CTNNA3: variants seen among roughly 807,000 people sequenced by gnomAD.
CTNNA3 encodes the protein catenin alpha-3.
CTNNA3 carries 76 observed loss-of-function variants against 95.7 expected under a neutral mutation model. That is an observed-to-expected ratio of 0.79 (90% CI 0.66 to 0.96). The LOEUF (loss-of-function observed/expected upper bound fraction) is 0.96, where lower values mean the gene tolerates loss of function less well. CTNNA3 is among the 40% of genes least tolerant of loss of function. The probability of loss-of-function intolerance (pLI) is 0.00; values close to 1 mark genes in which losing one functional copy is unlikely to be tolerated. For synonymous variants in CTNNA3, 431 were observed against 374.4 expected (o/e 1.15, Z -1.74); for missense variants, 1,191 against 1,089.8 (o/e 1.09, Z -1.31).
chr10:66,637,234 A>G (rs897243116), intron 9 of CTNNA3, among the ~76,000 whole-genome samples: 1 of 152,238 alleles, frequency 6.6e-6, no homozygotes, highest in Admixed American at 6.5e-5. Context: ...TGAAAGTTAC[A>G]TTGCATGTTA....
At chr10:67,049,357 C>T (rs547281533) in intron 7 of CTNNA3, among the ~76,000 whole-genome samples, 76 of 152,216 alleles carry the variant, frequency 5.0e-4, no homozygotes, top group African/African-American at 1.8e-3. Flanking sequence ...TTTCAAATCC[C>T]ATTATCCAAT....
chr10:66,319,364 C>A (rs1441189366), intron 12 of CTNNA3, among the ~76,000 whole-genome samples: 4 of 151,940 alleles, frequency 2.6e-5, no homozygotes, highest in Non-Finnish European at 4.4e-5. Flanking sequence ...AAGCAATATG[C>A]CCAGTTAAAA....
chr10:66,723,975 G>A (rs1305651139), intron 9 of CTNNA3, among the ~76,000 whole-genome samples: 2 of 152,022 alleles, frequency 1.3e-5, no homozygotes, highest in African/African-American at 4.8e-5. Context: ...TTCCCCTCCT[G>A]GAGCTGTGCT....
intron 9 of CTNNA3, among the ~76,000 whole-genome samples, chr10:66,667,781 C>T (rs984510532): frequency 6.6e-6 from 1 of 152,050 alleles, no homozygotes; most frequent in Non-Finnish European, 1.5e-5. Context: ...CCCAGCACAG[C>T]TTAAATATTC....
chr10:66,399,707 A>AT (rs1026780335), intron 11 of CTNNA3, among the ~76,000 whole-genome samples: 3 of 152,054 alleles, frequency 2.0e-5, no homozygotes, highest in Admixed American at 6.6e-5. Context: ...ATATCATTAT[A>AT]TTTTCAATGA....
intron 9 of CTNNA3, among the ~76,000 whole-genome samples, chr10:66,644,282 CTGTCTG>C (rs1279357784): frequency 9.9e-6 from 1 of 100,676 alleles, no homozygotes; most frequent in Non-Finnish European, 2.0e-5. Context: ...GTCTGTCTGT[CTGTCTG>C]TCTGTCTCTC....
chr10:66,912,623 A>T (rs1846269181), intron 7 of CTNNA3, among the ~76,000 whole-genome samples: 1 of 152,194 alleles, frequency 6.6e-6, no homozygotes, highest in African/African-American at 2.4e-5. Flanking sequence ...TATTTCCACC[A>T]AATACATTCC....
chr10:67,539,389 G>C (rs751387017), intron 4 of CTNNA3, 114 bp downstream of exon 4: 3 of 1,091,616 alleles, frequency 2.7e-6, no homozygotes, highest in Non-Finnish European at 4.0e-6. Context: ...TTCTGAAGGG[G>C]TGATGTTAAG....
intron 3 of CTNNA3, among the ~76,000 whole-genome samples, chr10:67,562,204 C>G (rs907067340): frequency 6.6e-5 from 10 of 152,128 alleles, no homozygotes; most frequent in African/African-American, 2.4e-5. Flanking sequence ...AATTTTAGAC[C>G]AATATCCTTG....
At chr10:67,523,388 C>T (rs966167717) in intron 4 of CTNNA3, among the ~76,000 whole-genome samples, 1 of 152,172 alleles carries the variant, frequency 6.6e-6, no homozygotes, top group Non-Finnish European at 1.5e-5. Flanking sequence ...CCAATTTAAT[C>T]TTCACAAGAA....
intron 7 of CTNNA3, chr10:67,015,152 A>G (rs1389768627): frequency 6.6e-6 from 1 of 152,148 alleles, no homozygotes; most frequent in Non-Finnish European, 1.5e-5. Context: ...ATTAACTGAT[A>G]CCTCTTCCAA....
intron 11 of CTNNA3, among the ~76,000 whole-genome samples, chr10:66,459,816 T>C (rs1184768836): frequency 6.6e-6 from 1 of 152,204 alleles, no homozygotes; most frequent in African/African-American, 2.4e-5. Context: ...TATAATCTTA[T>C]GGGATCATTG....
intron 7 of CTNNA3, among the ~76,000 whole-genome samples, chr10:66,878,212 G>T (rs1844699701): frequency 1.3e-5 from 2 of 151,956 alleles, no homozygotes; most frequent in East Asian, 3.9e-4. Context: ...CTGTATACTT[G>T]TTGAAGTTTT....
chr10:67,115,949 T>G (rs1014845686), intron 7 of CTNNA3, among the ~76,000 whole-genome samples: 1 of 152,040 alleles, frequency 6.6e-6, no homozygotes, highest in Non-Finnish European at 1.5e-5. Context: ...TTAAGTTACA[T>G]TTATGCTCAG....
rs115214631 is a variant in CTNNA3 at position 66,874,614 on chromosome 10, C to T, written c.1048-99090G>A. 3.8e-3 allele frequency among the ~76,000 whole-genome samples: 583 copies of T among 152,210 alleles called. 4 individuals carry two copies. Among genetic ancestry groups the T allele is most frequent in the African/African-American group, 0.013 (555 of 41,532 alleles). On this transcript the variant is annotated intron_variant, in intron 7 of 17. Transcript: ENST00000433211. ...CCCACATGCAGTATGAATATAACTT[C>T]GTTTCAATTTCTCTGTTTAGAATTT...
At chr10:67,594,495 T>C (rs1376135531) in intron 3 of CTNNA3, among the ~76,000 whole-genome samples, 2 of 152,132 alleles carry the variant, frequency 1.3e-5, no homozygotes, top group Non-Finnish European at 2.9e-5. Context: ...CTTGTATGTT[T>C]CTGGAAATTT....
chr10:67,331,108 T>A (rs966823610), intron 5 of CTNNA3, among the ~76,000 whole-genome samples: 3 of 152,228 alleles, frequency 2.0e-5, no homozygotes, highest in Non-Finnish European at 4.4e-5. Context: ...AAAGTGACAT[T>A]GTTTTTTAAA....
intron 7 of CTNNA3, among the ~76,000 whole-genome samples, chr10:66,923,343 A>G (rs1846889800): frequency 6.6e-6 from 1 of 152,226 alleles, no homozygotes; most frequent in African/African-American, 2.4e-5. Flanking sequence ...ATGATGAGCA[A>G]GAAGCACAAA....
At chr10:66,335,338 GT>G (rs950844887) in intron 12 of CTNNA3, among the ~76,000 whole-genome samples, 30 of 152,026 alleles carry the variant, frequency 2.0e-4, no homozygotes, top group Admixed American at 1.8e-3. Flanking sequence ...TTTCTGCTTT[GT>G]TTTTTCCCCA....
Sources: gnomAD v4.1 joint callset for allele counts (sites outside exome capture counted in the v4.1 genomes callset) on GRCh38, gnomAD v4.1.1 for gene constraint, MANE v1.5 for transcripts, NCBI Gene and HGNC (gene_info 2026-07-23, HGNC 2026-07-21) for gene names.